The following FLNB variants were observed in gnomAD, a reference collection of about 807,000 sequenced individuals.
FLNB encodes the protein filamin B.
FLNB carries 111 observed loss-of-function variants against 250.6 expected under a neutral mutation model. That is an observed-to-expected ratio of 0.44 (90% CI 0.38 to 0.52). The LOEUF is 0.52. Among genes scored for constraint, FLNB ranks in the 20% least tolerant of loss-of-function variants. The pLI is 0.00. For missense variants in FLNB, 2,869 were observed against 3,447.8 expected (o/e 0.83, Z 4.20); for synonymous variants, 1,302 against 1,372.1 (o/e 0.95, Z 1.13).
chr3:58,031,494 G>A (rs757977262), intron 1 of FLNB, among the ~76,000 whole-genome samples: 2 of 149,510 alleles, frequency 1.3e-5, no homozygotes, highest in Non-Finnish European at 2.9e-5. Flanking sequence ...TGCCTGCCTC[G>A]GCCTCCCAAA....
chr3:58,116,378 T>TGCCCTGGCCTGGTGTGGGCGC (rs1221154370), intron 18 of FLNB, among the ~76,000 whole-genome samples: 93 of 152,210 alleles, frequency 6.1e-4, no homozygotes, highest in Non-Finnish European at 5.6e-4. Flanking sequence ...GGCATGGGTG[T>TGCCCTGGCCTGGTGTGGGCGC]GTCCTGGCCT....
intron 1 of FLNB, among the ~76,000 whole-genome samples, chr3:58,069,065 C>A (rs2097190178): frequency 6.6e-6 from 1 of 151,028 alleles, no homozygotes; most frequent in South Asian, 2.1e-4. Flanking sequence ...ATCGCTTGAG[C>A]CCAGGAGGCG....
Position 58,168,440 on chromosome 3 carries a change from G to A in FLNB, c.7199G>A (p.Gly2400Asp). The A allele has an allele frequency of 1.2e-6, 2 of 1,612,032 alleles. No homozygotes were observed. Among genetic ancestry groups the A allele is most frequent in the Non-Finnish European group, 1.7e-6 (2 of 1,178,114 alleles). The part of the protein sequence containing the change: ...YGTGLEGGTT[G>D]IQSEFFINTT... ...AGCATTTTCTATTCCTTTCTCCCAGGTATCCAGTCGGAATTCTTTATTAAC... is the reference window on the plus strand; with the variant it reads ...AGCATTTTCTATTCCTTTCTCCCAGATATCCAGTCGGAATTCTTTATTAAC... The change falls in exon 44 of 46, where the codon GGT becomes GAT. Residue 2400 changes from glycine (G) to aspartate (D), a missense_variant and splice_region_variant. Gly to Asp is a moderately conservative substitution (Grantham distance 94). Coordinates refer to ENST00000295956, the MANE Select transcript of FLNB (RefSeq NM_001457.4).
At chr3:58,042,922 T>G (rs915631396) in intron 1 of FLNB, among the ~76,000 whole-genome samples, 1 of 152,176 alleles carries the variant, frequency 6.6e-6, no homozygotes, top group Non-Finnish European at 1.5e-5. Context: ...AGCAGGGTGC[T>G]GAGAGGGAAT....
intron 43 of FLNB, chr3:58,166,097 T>A (rs549714524): frequency 6.6e-6 from 1 of 152,218 alleles, no homozygotes; most frequent in Non-Finnish European, 1.5e-5. Context: ...CTGACTTCAC[T>A]GTGCCTCTGC....
intron 29 of FLNB, 37 bp downstream of exon 29, chr3:58,138,566 G>T: frequency 6.2e-7 from 1 of 1,613,290 alleles, no homozygotes; most frequent in East Asian, 2.2e-5. Flanking sequence ...TGCTGTTATT[G>T]GTGGAAACTG....
intron 18 of FLNB, among the ~76,000 whole-genome samples, chr3:58,116,782 A>C (rs2097278784): frequency 6.6e-6 from 1 of 152,042 alleles, no homozygotes; most frequent in South Asian, 2.1e-4. Context: ...TTCTCACCGC[A>C]CGTTCCCCTG....
chr3:58,162,991 G>A, intron 42 of FLNB, 163 bp from the exon 43 acceptor site: 1 of 707,808 alleles, frequency 1.4e-6, no homozygotes, highest in South Asian at 1.6e-5. Flanking sequence ...GATACCCAGG[G>A]GGTCTGTCTG....
intron 1 of FLNB, among the ~76,000 whole-genome samples, chr3:58,028,984 G>C (rs56125226): frequency 6.6e-6 from 1 of 151,824 alleles, no homozygotes; most frequent in African/African-American, 2.4e-5. Context: ...TGGGAGGCTG[G>C]GGCAGGAGGA....
At chr3:58,017,575 G>GT (rs1172101254) in intron 1 of FLNB, among the ~76,000 whole-genome samples, 1 of 152,172 alleles carries the variant, frequency 6.6e-6, no homozygotes, top group Admixed American at 6.5e-5. Context: ...TATTCTGTGG[G>GT]AGGGGAGGAG....
At chr3:58,091,841 G>A (rs138834506) in intron 4 of FLNB, among the ~76,000 whole-genome samples, 192 of 152,238 alleles carry the variant, frequency 1.3e-3, no homozygotes, top group Admixed American at 4.0e-3. Flanking sequence ...CCCGGACACC[G>A]TCTCAAACAG....
At chr3:58,064,246 T>G (rs1348072471) in intron 1 of FLNB, among the ~76,000 whole-genome samples, 1 of 152,156 alleles carries the variant, frequency 6.6e-6, no homozygotes. Context: ...GTTCAAGCAA[T>G]TCTCCTGCCT....
At position 58,153,435 on chromosome 3, in the gene FLNB, C is replaced by T; in HGVS notation, c.6428C>T (p.Ala2143Val). Reference sequence around the variant, plus strand: ...AGCCCCTCTGGCCGTGTGACTGAGGCAGAGATTGTGCCCATGGGGAAGAAC... The same window carrying T: ...AGCCCCTCTGGCCGTGTGACTGAGGTAGAGATTGTGCCCATGGGGAAGAAC... ...VTSPSGRVTE[A>V]EIVPMGKNSH... The change falls in exon 39 of 46, where the codon GCA becomes GTA. Residue 2143 changes from alanine to valine, a missense_variant. By Grantham distance (64) the Ala-to-Val change is moderately conservative. This residue lies in a region of FLNB where 1,084 missense variants were observed against 1,315.5 expected (regional missense o/e 0.82). Transcript: ENST00000295956. 1 of 1,614,242 alleles carries T rather than the reference C, an allele frequency of 6.2e-7. No individual in the cohort carries two copies. The highest frequency in any genetic ancestry group is 8.5e-7 in the Non-Finnish European group (1 of 1,180,036).
chr3:58,150,904 G>C (rs1179064542), intron 38 of FLNB: 3 of 154,258 alleles, frequency 1.9e-5, no homozygotes, highest in African/African-American at 4.8e-5. Flanking sequence ...GATGGAGCTT[G>C]TGTTGCGAGC....
At chr3:58,045,759 G>A (rs2097152944) in intron 1 of FLNB, among the ~76,000 whole-genome samples, 1 of 152,180 alleles carries the variant, frequency 6.6e-6, no homozygotes, top group Admixed American at 6.5e-5. Flanking sequence ...CAGCACTCTG[G>A]GAGGCTGAGG....
In FLNB at chr3:58,143,566, T is replaced by G. The variant is rs897772398; in HGVS notation, c.5378T>G (p.Val1793Gly). ...TVTVRYAPTE[V>G]GLHEMHIKYM... ...ACTGTTAGATATGCCCCCACTGAGGTCGGGCTCCATGAGATGCACATCAAA... is the reference window on the plus strand; with the variant it reads ...ACTGTTAGATATGCCCCCACTGAGGGCGGGCTCCATGAGATGCACATCAAA... The change falls in exon 32 of 46, where the codon GTC (valine) becomes GGC (glycine). Residue 1793 changes from valine to glycine, a missense_variant. Coordinates refer to ENST00000295956, the MANE Select transcript of FLNB (RefSeq NM_001457.4). The G allele has an allele frequency of 5.6e-6, 9 of 1,613,908 alleles. No homozygotes were observed. Among genetic ancestry groups the G allele is most frequent in the Non-Finnish European group, 7.6e-6 (9 of 1,180,004 alleles).
At position 58,106,774 on chromosome 3, in the gene FLNB, C is replaced by T. The variant is rs752702695; in HGVS notation, c.1842C>T (p.Gly614=). ...CDVKYWPKEP[G]EYAVHIMCDD... Reference sequence around the variant, plus strand: ...TCAAATACTGGCCCAAGGAGCCTGGCGAATATGCTGTTCACATCATGTGTG... The same window carrying T: ...TCAAATACTGGCCCAAGGAGCCTGGTGAATATGCTGTTCACATCATGTGTG... The change falls in exon 12 of 46, where the codon GGC becomes GGT. Residue 614 remains glycine (G), a synonymous_variant. Coordinates refer to ENST00000295956, the MANE Select transcript of FLNB (RefSeq NM_001457.4). 22 of 1,613,982 alleles carry T rather than the reference C, an allele frequency of 1.4e-5. No homozygotes were observed. The highest frequency in any genetic ancestry group is 6.7e-5 in the African/African-American group (5 of 74,898).
Position 58,153,573 on chromosome 3 carries a change from G to A in FLNB, c.6566G>A (p.Gly2189Asp). ...TTCCAGTTCACCGTGGGGCCACTTG[G>A]TGAAGGAGGCGCCCACAAGGTGCGG... The part of the protein sequence containing the change: ...SPFQFTVGPL[G>D]EGGAHKVRAG... The change falls in exon 39 of 46, where the codon GGT (glycine) becomes GAT (aspartate). Residue 2189 changes from glycine to aspartate, a missense_variant. Physicochemically the swap from Gly to Asp is moderately conservative, Grantham distance 94 (BLOSUM62 -1). This residue lies in a region of FLNB where 1,084 missense variants were observed against 1,315.5 expected (regional missense o/e 0.82). Coordinates refer to ENST00000295956, the MANE Select transcript of FLNB (RefSeq NM_001457.4). The A allele has an allele frequency of 6.2e-7, 1 of 1,614,154 alleles. No individual in the cohort carries two copies. The highest frequency in any genetic ancestry group is 8.5e-7 in the Non-Finnish European group (1 of 1,180,050).
rs2097244097 is a variant in FLNB at position 58,098,904 on chromosome 3, G to A, written c.1341G>A (p.Gly447=). ...IPKSPFVVQV[G]EACNPNACRA... ...AGAGTCCCTTCGTTGTGCAGGTTGGGGAAGGTGAGTGCTGGGCTGCTGGCC... is the reference window on the plus strand; with the variant it reads ...AGAGTCCCTTCGTTGTGCAGGTTGGAGAAGGTGAGTGCTGGGCTGCTGGCC... The change falls in exon 8 of 46, where the codon GGG becomes GGA. Residue 447 remains glycine (G), a synonymous_variant. Coordinates refer to ENST00000295956, the MANE Select transcript of FLNB (RefSeq NM_001457.4). The A allele has an allele frequency of 1.2e-6, 2 of 1,613,720 alleles. No homozygotes were observed. The highest frequency in any genetic ancestry group is 1.1e-5 in the South Asian group (1 of 91,070).
Sources: allele counts gnomAD v4.1 joint callset (sites outside exome capture counted in the v4.1 genomes callset), GRCh38; gene constraint gnomAD v4.1.1; regional missense constraint gnomAD v4.1.1; transcripts MANE v1.5; gene names NCBI Gene and HGNC (gene_info 2026-07-23, HGNC 2026-07-21).